Variants in STON2 observed in about 807,000 individuals in gnomAD.
STON2 encodes stonin 2.
STON2 carries 29 observed loss-of-function variants against 65.7 expected under a neutral mutation model. The ratio of observed to expected loss-of-function variants is 0.44; its 90% CI spans 0.33 to 0.60. STON2 has a LOEUF of 0.60. Ranked by LOEUF, STON2 falls within the 20% of genes least tolerant of loss-of-function variation. The pLI, the probability that STON2 is intolerant of heterozygous loss-of-function variation, is 0.03. For missense variants in STON2, 1,054 were observed against 1,118.1 expected, an observed-to-expected ratio of 0.94 and a Z score of 0.82; for synonymous variants, 404 against 414.2, an observed-to-expected ratio of 0.98 and a Z score of 0.30.
chr14:81,359,958 G>T (rs529077728), intron 4 of STON2, among the ~76,000 whole-genome samples: 1 of 152,292 alleles, frequency 6.6e-6, no homozygotes, highest in East Asian at 1.9e-4. Context: ...AGGTGTGGTT[G>T]TACACACCTG....
chr14:81,343,214 A>G (rs1252112513), intron 4 of STON2, among the ~76,000 whole-genome samples: 1 of 152,206 alleles, frequency 6.6e-6, no homozygotes. Context: ...TTGGATTGAT[A>G]TATGCCAAAG....
At position 81,360,485 on chromosome 14, in the gene STON2, T is replaced by TA. The variant is rs534154141; in HGVS notation, c.571+10502dup. Among the ~76,000 whole-genome samples, 10 of 151,892 alleles carry TA rather than the reference T, an allele frequency of 6.6e-5. 1 individual carries two copies. Among genetic ancestry groups the TA allele is most frequent in the South Asian group, 2.1e-4 (1 of 4,812 alleles). On this transcript the variant is annotated intron_variant, in intron 4 of 7. Transcript: ENST00000614646. Reference sequence around the variant, plus strand: ...GACAAAATTCAACATTCTTTAATGATAAAAAAAATAACAAATTAGGTATAA... The same window carrying TA: ...GACAAAATTCAACATTCTTTAATGATAAAAAAAAATAACAAATTAGGTATAA...
chr14:81,268,346 C>T lies in STON2; in HGVS notation c.*68G>A. ...GCAACTTCAGCTACTCAGGAAGACA[C>T]CCTATCATGACTCAGGAAGACACCC... On this transcript the variant is annotated 3_prime_UTR_variant, in exon 8 of 8. Transcript: ENST00000614646. 1.6e-6 allele frequency: 2 copies of T among 1,283,080 alleles called. No homozygotes were observed. The highest frequency in any genetic ancestry group is 2.5e-5 in the South Asian group (2 of 79,764). 79.5% of individuals were successfully genotyped at this position (1,283,080 alleles called of 1,614,324 possible).
In STON2 at chr14:81,277,520, T is replaced by G. The variant is rs1894894507; in HGVS notation, c.1962A>C (p.Thr654=). Residue 654 remains threonine, a synonymous_variant, in exon 6 of 8, where the codon ACA becomes ACC. Coordinates refer to ENST00000614646, the MANE Select transcript of STON2 (RefSeq NM_001394390.1). ...ACAGGAAACTCAGGATGTGGATCCG[T>G]GTCAAGACATGGTGCTGGAGAATCT... ...DNQILQHHVL[T]RIHILSFLSG... The G allele has an allele frequency of 1.9e-6, 3 of 1,614,034 alleles. No individual in the cohort carries two copies. The highest frequency in any genetic ancestry group is 1.3e-5 in the African/African-American group (1 of 74,918).
At chr14:81,356,419 A>C (rs1898234707) in intron 4 of STON2, among the ~76,000 whole-genome samples, 1 of 152,202 alleles carries the variant, frequency 6.6e-6, no homozygotes, top group Admixed American at 6.5e-5. Context: ...CCAGTATTTT[A>C]TTGAGGATTT....
intron 2 of STON2, among the ~76,000 whole-genome samples, chr14:81,414,627 T>C (rs1901333697): frequency 6.7e-6 from 1 of 148,676 alleles, no homozygotes; most frequent in South Asian, 2.1e-4. Context: ...ATACTAGATG[T>C]GAAAAAAAAA....
At chr14:81,336,207 T>C (rs553484778) in intron 4 of STON2, among the ~76,000 whole-genome samples, 5 of 152,344 alleles carry the variant, frequency 3.3e-5, no homozygotes, top group Non-Finnish European at 7.3e-5. Flanking sequence ...CAATTATACC[T>C]GCCATCTATG....
At chr14:81,287,067 G>C (rs1352629855) in intron 5 of STON2, among the ~76,000 whole-genome samples, 1 of 152,182 alleles carries the variant, frequency 6.6e-6, no homozygotes, top group East Asian at 1.9e-4. Flanking sequence ...TATTTACATA[G>C]AGAAGTCTTT....
chr14:81,340,362 G>A (rs1046712139), intron 4 of STON2, among the ~76,000 whole-genome samples: 9 of 152,138 alleles, frequency 5.9e-5, no homozygotes, highest in African/African-American at 9.7e-5. Context: ...TAGTGGATAC[G>A]TTCATTATCT....
chr14:81,414,556 C>G (rs1017580915), intron 2 of STON2, among the ~76,000 whole-genome samples: 12 of 151,976 alleles, frequency 7.9e-5, no homozygotes, highest in Non-Finnish European at 1.3e-4. Flanking sequence ...GCAGCCCACT[C>G]TCTATCTGGC....
chr14:81,372,565 A>AG (rs1555404142), intron 3 of STON2, among the ~76,000 whole-genome samples: 14 of 111,478 alleles, frequency 1.3e-4, no homozygotes, highest in Admixed American at 2.8e-4. Flanking sequence ...AAAAAAAAAA[A>AG]AAGAAGAAGA....
chr14:81,290,504 G>C (rs944272516), intron 5 of STON2, among the ~76,000 whole-genome samples: 2 of 152,082 alleles, frequency 1.3e-5, no homozygotes, highest in Admixed American at 1.3e-4. Flanking sequence ...GTATCACATC[G>C]ATCTTCTGTT....
intron 1 of STON2, among the ~76,000 whole-genome samples, chr14:81,431,676 G>A (rs1902229989): frequency 6.6e-6 from 1 of 151,956 alleles, no homozygotes; most frequent in South Asian, 2.1e-4. Flanking sequence ...TACTAGGGAG[G>A]CTGAGGCAAG....
chr14:81,358,685 G>A (rs1044267616), intron 4 of STON2, among the ~76,000 whole-genome samples: 1 of 152,084 alleles, frequency 6.6e-6, no homozygotes, highest in African/African-American at 2.4e-5. Flanking sequence ...GAAAGTGAAG[G>A]AATGGAAAAA....
chr14:81,416,125 C>T (rs755597590), intron 2 of STON2, among the ~76,000 whole-genome samples: 24 of 152,210 alleles, frequency 1.6e-4, no homozygotes, highest in Non-Finnish European at 3.2e-4. Flanking sequence ...TGGAACATCT[C>T]TGTCTCTGAA....
intron 5 of STON2, among the ~76,000 whole-genome samples, chr14:81,297,422 T>C (rs1255311327): frequency 6.6e-6 from 1 of 152,110 alleles, no homozygotes; most frequent in Non-Finnish European, 1.5e-5. Flanking sequence ...TCTTAACCAC[T>C]CTGGTATACT....
chr14:81,322,678 A>T (rs1168155410), intron 5 of STON2, among the ~76,000 whole-genome samples: 1 of 152,100 alleles, frequency 6.6e-6, no homozygotes, highest in Non-Finnish European at 1.5e-5. Flanking sequence ...AGGGGCATTC[A>T]CCCTAAGAGA....
At chr14:81,367,731 C>G (rs554685862) in intron 4 of STON2, among the ~76,000 whole-genome samples, 1 of 152,288 alleles carries the variant, frequency 6.6e-6, no homozygotes, top group Non-Finnish European at 1.5e-5. Context: ...CGGAGCTGCT[C>G]TCTGAGGACT....
At chr14:81,315,592 CAT>C (rs1896588595) in intron 5 of STON2, among the ~76,000 whole-genome samples, 2 of 152,356 alleles carry the variant, frequency 1.3e-5, no homozygotes, top group South Asian at 4.1e-4. Flanking sequence ...TGCTGAGATC[CAT>C]ATCCAAATCC....
Sources: allele counts gnomAD v4.1 joint callset (sites outside exome capture counted in the v4.1 genomes callset), GRCh38; gene constraint gnomAD v4.1.1; transcripts MANE v1.5; gene names NCBI Gene and HGNC (gene_info 2026-07-23, HGNC 2026-07-21).